DOCK11: variants seen among roughly 807,000 people sequenced by gnomAD.
The protein encoded by DOCK11 is dedicator of cytokinesis 11.
In DOCK11, 70 loss-of-function variants were observed where a neutral mutation model predicts 169.1. The ratio of observed to expected loss-of-function variants is 0.41; its 90% CI spans 0.34 to 0.51. The LOEUF is 0.51. Ranked by LOEUF, DOCK11 falls within the 20% of genes least tolerant of loss-of-function variation. The pLI, the probability that DOCK11 is intolerant of heterozygous loss-of-function variation, is 0.10. For missense variants in DOCK11, 1,166 were observed against 1,538.8 expected, an observed-to-expected ratio of 0.76 and a Z score of 4.05; for synonymous variants, 529 against 541.3, an observed-to-expected ratio of 0.98 and a Z score of 0.32.
intron 1 of DOCK11, among the ~76,000 whole-genome samples, chrX:118,520,632 C>T (rs186964238): frequency 2.7e-5 from 3 of 111,237 alleles, no homozygotes; most frequent in East Asian, 2.8e-4. Flanking sequence ...TGTCTGGGTT[C>T]GCCTTTGCCT....
intron 46 of DOCK11, among the ~76,000 whole-genome samples, chrX:118,671,732 T>G (rs1021791159): frequency 2.7e-5 from 3 of 111,564 alleles, no homozygotes; most frequent in African/African-American, 9.8e-5. Context: ...CAGGCTGGAG[T>G]GCAGTGGCGC....
chrX:118,594,483 A>T (rs2147432123), intron 20 of DOCK11, among the ~76,000 whole-genome samples: 1 of 112,351 alleles, frequency 8.9e-6, no homozygotes, highest in Non-Finnish European at 1.9e-5. Flanking sequence ...AACTGGTATT[A>T]TGCAAATATT....
chrX:118,500,179 G>T (rs1291779223), intron 1 of DOCK11, among the ~76,000 whole-genome samples: 1 of 109,439 alleles, frequency 9.1e-6, no homozygotes, highest in African/African-American at 3.3e-5. Flanking sequence ...CTCCCGAGTA[G>T]CTGGGACTAC....
In DOCK11 at chrX:118,588,234, A is replaced by G. The variant is rs1445285169; in HGVS notation, c.1893A>G (p.Lys631=). Residue 631 remains lysine, a synonymous_variant, in exon 17 of 53, where the codon AAA becomes AAG. Transcript: ENST00000276202. ...EVEEFVPEMT[K]YCYPFTIYKN... The stretch of plus-strand genomic sequence containing the variant: ...AAGAGTTTGTTCCAGAAATGACAAA[A>G]TATTGTTATCCATTTACTATTTACA... 2 of 1,201,669 alleles carry G rather than the reference A, an allele frequency of 1.7e-6. No individual in the cohort carries two copies. The highest frequency in any genetic ancestry group is 2.2e-6 in the Non-Finnish European group (2 of 890,492).
At chrX:118,534,030 G>GA (rs1273842479) in intron 1 of DOCK11, among the ~76,000 whole-genome samples, 2 of 111,758 alleles carry the variant, frequency 1.8e-5, no homozygotes, top group Admixed American at 9.5e-5. Flanking sequence ...CTAAAGAATA[G>GA]AAAAAAAATT....
At chrX:118,606,731 C>T (rs192279413) in intron 24 of DOCK11, among the ~76,000 whole-genome samples, 28 of 111,791 alleles carry the variant, frequency 2.5e-4, no homozygotes, top group African/African-American at 8.8e-4. Flanking sequence ...ATGGAAGAAA[C>T]TTTAGGCCAG....
At chrX:118,534,068 C>T (rs2011671104) in intron 1 of DOCK11, among the ~76,000 whole-genome samples, 1 of 112,251 alleles carries the variant, frequency 8.9e-6, no homozygotes, top group Non-Finnish European at 1.9e-5. Context: ...CTTTGCCATT[C>T]TAGTCTCTCA....
intron 46 of DOCK11, among the ~76,000 whole-genome samples, chrX:118,673,179 GA>G (rs2016526851): frequency 8.9e-6 from 1 of 111,919 alleles, no homozygotes; most frequent in Non-Finnish European, 1.9e-5. Flanking sequence ...CAACAGGGAA[GA>G]AAGAAAAATA....
intron 4 of DOCK11, among the ~76,000 whole-genome samples, chrX:118,544,880 A>G (rs1431381080): frequency 9.6e-6 from 1 of 103,982 alleles, no homozygotes; most frequent in Non-Finnish European, 2.0e-5. Context: ...CCTTTTGGCC[A>G]GGCTGGTCTT....
chrX:118,511,908 C>T (rs767198382), intron 1 of DOCK11, among the ~76,000 whole-genome samples: 6 of 111,870 alleles, frequency 5.4e-5, no homozygotes, highest in Non-Finnish European at 9.4e-5. Context: ...AATCTATTTC[C>T]GCTTATTTAT....
intron 32 of DOCK11, among the ~76,000 whole-genome samples, chrX:118,626,035 C>T (rs2015092856): frequency 9.2e-6 from 1 of 108,378 alleles, no homozygotes; most frequent in Admixed American, 9.9e-5. Context: ...CACCAAATAT[C>T]TCCACTAATC....
intron 12 of DOCK11, among the ~76,000 whole-genome samples, chrX:118,574,826 C>T (rs114473267): frequency 2.6e-3 from 293 of 111,829 alleles, no homozygotes; most frequent in African/African-American, 9.0e-3. Flanking sequence ...ATGCTACACT[C>T]TTCTATTCTA....
intron 32 of DOCK11, among the ~76,000 whole-genome samples, chrX:118,627,061 C>T (rs1222629990): frequency 8.9e-6 from 1 of 111,889 alleles, no homozygotes; most frequent in Non-Finnish European, 1.9e-5. Flanking sequence ...AAAACCCCAT[C>T]TCTAAAAAAA....
chrX:118,555,242 G>A (rs2012641549), intron 6 of DOCK11, among the ~76,000 whole-genome samples: 1 of 111,519 alleles, frequency 9.0e-6, no homozygotes, highest in Non-Finnish European at 1.9e-5. Flanking sequence ...GTTTCTCAGT[G>A]GGTAGGAGAG....
At chrX:118,655,798 A>G (rs2016051839) in intron 44 of DOCK11, among the ~76,000 whole-genome samples, 1 of 112,313 alleles carries the variant, frequency 8.9e-6, no homozygotes, top group Non-Finnish European at 1.9e-5. Flanking sequence ...AAGGCAGTGG[A>G]ATGAGTAACA....
At chrX:118,548,120 A>G (rs1195664409) in intron 6 of DOCK11, among the ~76,000 whole-genome samples, 1 of 112,572 alleles carries the variant, frequency 8.9e-6, no homozygotes, top group Non-Finnish European at 1.9e-5. Context: ...CACATTAAGT[A>G]AATGTGCAAA....
At position 118,495,859 on chromosome X, in the gene DOCK11, C is replaced by G. The variant is rs1321287194; in HGVS notation, c.-113C>G. The G allele has an allele frequency of 3.3e-6, 1 of 306,210 alleles. No homozygotes were observed. Among genetic ancestry groups the G allele is most frequent in the Non-Finnish European group, 4.6e-6 (1 of 216,141 alleles). The allele number at this position is 306,210 out of a possible 1,213,427, so 25.2% of individuals were successfully genotyped here. ...CCGAGCTGCGATGTGGCCGGCCGGC[C>G]GGCGAGTAAACAGAGGGAGCAGCAG... On this transcript the variant is annotated 5_prime_UTR_variant, in exon 1 of 53. Transcript: ENST00000276202.
chrX:118,636,865 G>A lies in DOCK11; in HGVS notation c.3953+453G>A, dbSNP rs2015403931. Reference sequence around the variant, plus strand: ...CACACACACACACACACACACACACGTGTATATGTATGTATTCCAAGACTC... The same window carrying A: ...CACACACACACACACACACACACACATGTATATGTATGTATTCCAAGACTC... On this transcript the variant is annotated intron_variant, in intron 36 of 52. Transcript: ENST00000276202. 2.8e-5 allele frequency among the ~76,000 whole-genome samples: 3 copies of A among 105,702 alleles called. No individual in the cohort carries two copies. The Admixed American group carries it at 3.0e-4, about 10-fold the overall frequency. The allele number at this position is 105,702 out of a possible 115,157, so 91.8% of individuals were successfully genotyped here. A position where few individuals can be genotyped will look rare whatever the true frequency, so the allele number is the denominator to read the frequency against.
intron 30 of DOCK11, 117 bp downstream of exon 30, chrX:118,615,828 T>C (rs1475431766): frequency 2.0e-5 from 11 of 551,319 alleles, no homozygotes; most frequent in Non-Finnish European, 3.0e-6. Flanking sequence ...TCAGAATTGT[T>C]ACTATCTGAA....
Sources: gnomAD v4.1 joint callset for allele counts (sites outside exome capture counted in the v4.1 genomes callset) on GRCh38, gnomAD v4.1.1 for gene constraint, MANE v1.5 for transcripts, NCBI Gene and HGNC (gene_info 2026-07-23, HGNC 2026-07-21) for gene names.